The following KDM4B variants were observed in gnomAD, a reference collection of about 807,000 sequenced individuals.
KDM4B encodes lysine demethylase 4B.
In KDM4B, 32 loss-of-function variants were observed where a neutral mutation model predicts 125.2. The observed-to-expected ratio is 0.26, with a 90% CI of 0.19 to 0.34. KDM4B has a LOEUF of 0.34. Among genes scored for constraint, KDM4B ranks in the 10% least tolerant of loss-of-function variants. The pLI is 1.00. For missense variants in KDM4B, 1,190 were observed against 1,577.7 expected (o/e 0.75, Z 4.16); for synonymous variants, 721 against 677.9 (o/e 1.06, Z -0.99).
At chr19:5,049,946 T>G (rs929573857) in intron 6 of KDM4B, among the ~76,000 whole-genome samples, 3 of 151,660 alleles carry the variant, frequency 2.0e-5, no homozygotes, top group Admixed American at 2.0e-4. Flanking sequence ...GTGTCTGGCC[T>G]CTGGTCCCTG....
At chr19:5,084,550 A>C (rs1320274778) in intron 9 of KDM4B, among the ~76,000 whole-genome samples, 5 of 129,134 alleles carry the variant, frequency 3.9e-5, no homozygotes, top group Non-Finnish European at 6.4e-5. Context: ...ATTATATATA[A>C]TATATAAATT....
chr19:5,016,218 A>T (rs1250205576), intron 1 of KDM4B, 39 bp from the exon 2 acceptor site: 1 of 152,264 alleles, frequency 6.6e-6, no homozygotes, highest in African/African-American at 2.4e-5. Flanking sequence ...TGAGCGTGCC[A>T]TCAGTTTAGT....
chr19:5,084,504 TTA>T (rs1244862920), intron 9 of KDM4B, among the ~76,000 whole-genome samples: 1 of 113,088 alleles, frequency 8.8e-6, no homozygotes, highest in Non-Finnish European at 1.7e-5. Context: ...AATTTATATA[TTA>T]TATATAAATA....
intron 21 of KDM4B, among the ~76,000 whole-genome samples, chr19:5,149,544 C>G (rs1044993700): frequency 5.9e-5 from 9 of 152,354 alleles, no homozygotes; most frequent in Admixed American, 2.0e-4. Flanking sequence ...GAACGGCAGT[C>G]AGGCCCAGGG....
chr19:4,997,488 G>A lies in KDM4B; in HGVS notation c.-108-18769G>A, dbSNP rs769894154. On this transcript the variant is annotated intron_variant, in intron 1 of 22. Coordinates refer to ENST00000159111, the MANE Select transcript of KDM4B (RefSeq NM_015015.3). The surrounding 1 kb of genome is among the most constrained non-coding windows in gnomAD (Gnocchi z 4.2). ...GTCCACCCCAGCCGGCTGGGCCTGCGTACCCAGTGGGTGGCGCTCAGGTCT... is the reference window on the plus strand; with the variant it reads ...GTCCACCCCAGCCGGCTGGGCCTGCATACCCAGTGGGTGGCGCTCAGGTCT... Among the ~76,000 whole-genome samples the A allele has an allele frequency of 3.2e-4, 48 of 152,196 alleles. 1 individual carries two copies. The highest frequency in any genetic ancestry group is 6.2e-4 in the Non-Finnish European group (42 of 67,982).
Position 5,045,191 on chromosome 19 carries a change from C to T in KDM4B, c.433-2285C>T, listed in dbSNP as rs1043741774. 2.6e-4 allele frequency among the ~76,000 whole-genome samples: 40 copies of T among 152,208 alleles called. 1 individual carries two copies. Among genetic ancestry groups the T allele is most frequent in the Non-Finnish European group, 3.5e-4 (24 of 68,038 alleles). On this transcript the variant is annotated intron_variant, in intron 5 of 22. Coordinates refer to ENST00000159111, the MANE Select transcript of KDM4B (RefSeq NM_015015.3). ...CAGCGAATGAACGTTCCCAGGGCCC[C>T]GCTTCCCCGCCCCCATCTGGAGTTG...
Position 5,078,592 on chromosome 19 carries a change from GA to G in KDM4B, c.780+1124del, listed in dbSNP as rs2145855086. On this transcript the variant is annotated intron_variant, in intron 8 of 22. Coordinates refer to ENST00000159111, the MANE Select transcript of KDM4B (RefSeq NM_015015.3). This position sits in a 1 kb window ranked among gnomAD's most constrained non-coding sequence, Gnocchi z 4.5. ...CAGACAGATCACGGCATTGCTCAGG[GA>G]AGTGAGAAGTACTGATTTTCTGGCT... 1 of 152,068 alleles carries G rather than the reference GA, an allele frequency of 6.6e-6. No individual in the cohort carries two copies. The highest frequency in any genetic ancestry group is 1.5e-5 in the Non-Finnish European group (1 of 68,022). The allele number at this position is 152,068 out of a possible 1,614,324, so 9.4% of individuals were successfully genotyped here. A position where few individuals can be genotyped will look rare whatever the true frequency, so the allele number is the denominator to read the frequency against.
intron 5 of KDM4B, among the ~76,000 whole-genome samples, chr19:5,045,087 T>C (rs2036982424): frequency 6.6e-6 from 1 of 152,214 alleles, no homozygotes; most frequent in Admixed American, 6.5e-5. Flanking sequence ...CTGGACCACG[T>C]GGTGAGAGGA....
intron 3 of KDM4B, among the ~76,000 whole-genome samples, chr19:5,033,591 C>T (rs542872391): frequency 6.6e-6 from 1 of 152,236 alleles, no homozygotes; most frequent in African/African-American, 2.4e-5. Flanking sequence ...AAAACCAAGT[C>T]AGACCACACC....
At chr19:5,044,823 C>T (rs773546695) in intron 5 of KDM4B, among the ~76,000 whole-genome samples, 7 of 152,126 alleles carry the variant, frequency 4.6e-5, no homozygotes, top group Non-Finnish European at 1.0e-4. Flanking sequence ...CAGCCTTTTC[C>T]AGAATGCCGT....
chr19:5,012,832 C>T (rs879321757), intron 1 of KDM4B, among the ~76,000 whole-genome samples: 8 of 152,230 alleles, frequency 5.3e-5, no homozygotes, highest in Non-Finnish European at 1.0e-4. Flanking sequence ...ATCCTCTCCC[C>T]GGGATGCTGC....
chr19:5,136,475 G>T (rs568029984), intron 15 of KDM4B, among the ~76,000 whole-genome samples: 1 of 152,156 alleles, frequency 6.6e-6, no homozygotes, highest in African/African-American at 2.4e-5. Flanking sequence ...CTGCCTGGGG[G>T]CTCGCGTTGT....
chr19:4,974,867 C>A (rs542127173), intron 1 of KDM4B, among the ~76,000 whole-genome samples: 2 of 152,048 alleles, frequency 1.3e-5, no homozygotes, highest in Non-Finnish European at 2.9e-5. Context: ...GGCCCTTTCG[C>A]GTGGCCCCTT....
intron 1 of KDM4B, among the ~76,000 whole-genome samples, chr19:5,013,816 T>C (rs2035804707): frequency 6.6e-6 from 1 of 152,222 alleles, no homozygotes; most frequent in African/African-American, 2.4e-5. Context: ...GATGGGGACA[T>C]CTTTGGGAAC....
intron 1 of KDM4B, among the ~76,000 whole-genome samples, chr19:4,990,867 T>C (rs2145376455): frequency 6.6e-6 from 1 of 152,334 alleles, no homozygotes; most frequent in East Asian, 1.9e-4. Context: ...ACGCCTATAA[T>C]CCCAGCACTT....
intron 1 of KDM4B, among the ~76,000 whole-genome samples, chr19:4,975,303 A>C (rs1398060933): frequency 6.6e-6 from 1 of 152,224 alleles, no homozygotes; most frequent in Non-Finnish European, 1.5e-5. Context: ...TTATGGACAC[A>C]AACGTGAATT....
At chr19:5,026,787 C>G (rs1217577204) in intron 2 of KDM4B, among the ~76,000 whole-genome samples, 1 of 152,238 alleles carries the variant, frequency 6.6e-6, no homozygotes, top group Non-Finnish European at 1.5e-5. Flanking sequence ...TAAAAACTTA[C>G]TGGCATGGTA....
At chr19:4,988,753 G>A (rs937026966) in intron 1 of KDM4B, among the ~76,000 whole-genome samples, 3 of 152,190 alleles carry the variant, frequency 2.0e-5, no homozygotes, top group East Asian at 3.8e-4. Context: ...GGGCTGTGAC[G>A]TCTCCAGGAA....
At chr19:5,014,994 CAAA>C (rs772116720) in intron 1 of KDM4B, among the ~76,000 whole-genome samples, 1 of 103,398 alleles carries the variant, frequency 9.7e-6, no homozygotes, top group African/African-American at 3.6e-5. Flanking sequence ...GAGTCCGTCT[CAAA>C]AAAAAAAAAA....
Sources: allele counts gnomAD v4.1 joint callset (sites outside exome capture counted in the v4.1 genomes callset), GRCh38; gene constraint gnomAD v4.1.1; non-coding constraint Gnocchi (gnomAD v3.1); transcripts MANE v1.5; gene names NCBI Gene and HGNC (gene_info 2026-07-23, HGNC 2026-07-21).